RFX3: variants seen among roughly 807,000 people sequenced by gnomAD.
RFX3 encodes regulatory factor X3.
Under a neutral mutation model 98.6 loss-of-function variants are expected in RFX3, and 14 were observed. That is an observed-to-expected ratio of 0.14 (90% CI 0.09 to 0.22). RFX3 has a LOEUF of 0.22. Ranked by LOEUF, RFX3 falls within the 10% of genes least tolerant of loss-of-function variation. RFX3 has a pLI of 1.00. For synonymous variants in RFX3, 383 were observed against 328.4 expected, an observed-to-expected ratio of 1.17 and a Z score of -1.80; for missense variants, 639 against 926.9, an observed-to-expected ratio of 0.69 and a Z score of 4.03.
intron 14 of RFX3, among the ~76,000 whole-genome samples, chr9:3,255,193 A>T (rs1821955295): frequency 6.6e-6 from 1 of 152,242 alleles, no homozygotes; most frequent in Non-Finnish European, 1.5e-5. Flanking sequence ...GTTGAGAAAG[A>T]AAAAAGTCAC....
chr9:3,233,341 G>GTAT, intron 15 of RFX3, among the ~76,000 whole-genome samples: 1 of 152,216 alleles, frequency 6.6e-6, no homozygotes, highest in Non-Finnish European at 1.5e-5. Context: ...CTATACCTGA[G>GTAT]CATACTGAGA....
In RFX3 at chr9:3,321,977, C is replaced by T. The variant is rs554465888; in HGVS notation, c.474+8282G>A. 1.2e-4 allele frequency among the ~76,000 whole-genome samples: 19 copies of T among 152,098 alleles called. No homozygotes were observed. In the South Asian group the frequency reaches 3.9e-3, roughly 32 times the overall value. ...TTGGCCTACTTGGTCTCTAGTCTTTCATTTACTAGTCTATTCATGTGCTTA... is the reference window on the plus strand; with the variant it reads ...TTGGCCTACTTGGTCTCTAGTCTTTTATTTACTAGTCTATTCATGTGCTTA... On this transcript the variant is annotated intron_variant, in intron 4 of 16. Coordinates refer to ENST00000617270, the MANE Select transcript of RFX3 (RefSeq NM_001282116.2).
chr9:3,343,452 G>A (rs777463040), intron 3 of RFX3, among the ~76,000 whole-genome samples: 4 of 152,046 alleles, frequency 2.6e-5, no homozygotes, highest in Admixed American at 6.6e-5. Flanking sequence ...CTTTCCTAAC[G>A]TACATGGAAG....
intron 1 of RFX3, among the ~76,000 whole-genome samples, chr9:3,463,929 T>C (rs1847959556): frequency 6.6e-6 from 1 of 152,118 alleles, no homozygotes; most frequent in Non-Finnish European, 1.5e-5. Flanking sequence ...GCTGTGATCA[T>C]GCCACTGCAC....
At chr9:3,372,020 G>T (rs1464866830) in intron 2 of RFX3, among the ~76,000 whole-genome samples, 1 of 152,096 alleles carries the variant, frequency 6.6e-6, no homozygotes, top group African/African-American at 2.4e-5. Context: ...TAATACCTAA[G>T]TGGTAAATAT....
chr9:3,277,900 A>T (rs1825444378), intron 7 of RFX3, among the ~76,000 whole-genome samples: 1 of 151,982 alleles, frequency 6.6e-6, no homozygotes, highest in African/African-American at 2.4e-5. Context: ...TCTCTAAAAC[A>T]TGATCAGCCT....
intron 1 of RFX3, among the ~76,000 whole-genome samples, chr9:3,425,201 T>C (rs1466071258): frequency 6.6e-6 from 1 of 152,198 alleles, no homozygotes; most frequent in Non-Finnish European, 1.5e-5. Context: ...CACACACCAC[T>C]GCCCGCCAGC....
At chr9:3,440,537 G>A (rs1238540209) in intron 1 of RFX3, among the ~76,000 whole-genome samples, 1 of 152,116 alleles carries the variant, frequency 6.6e-6, no homozygotes, top group African/African-American at 2.4e-5. Flanking sequence ...GACAAAAGAT[G>A]TGCAAGATCT....
intron 3 of RFX3, among the ~76,000 whole-genome samples, chr9:3,345,940 T>C (rs1834399560): frequency 1.3e-5 from 2 of 152,038 alleles, no homozygotes; most frequent in Non-Finnish European, 2.9e-5. Flanking sequence ...TGATGGGAGG[T>C]GGGCAGAAGA....
chr9:3,479,913 G>A (rs905052974), intron 1 of RFX3, among the ~76,000 whole-genome samples: 1 of 152,124 alleles, frequency 6.6e-6, no homozygotes, highest in Non-Finnish European at 1.5e-5. Context: ...CCAAAATCGC[G>A]GGCTTCTGGA....
chr9:3,385,964 T>G (rs1237959310), intron 2 of RFX3, among the ~76,000 whole-genome samples: 1 of 152,152 alleles, frequency 6.6e-6, no homozygotes, highest in East Asian at 1.9e-4. Context: ...AGAAATTGTC[T>G]GGCATTTTTT....
intron 1 of RFX3, among the ~76,000 whole-genome samples, chr9:3,432,720 GGAA>G (rs1174845274): frequency 6.6e-6 from 1 of 152,152 alleles, no homozygotes; most frequent in Non-Finnish European, 1.5e-5. Context: ...CAGATTATGA[GGAA>G]GAAGATGTAG....
intron 1 of RFX3, among the ~76,000 whole-genome samples, chr9:3,504,957 T>TATATAA (rs1816751314): frequency 1.7e-5 from 1 of 58,992 alleles, no homozygotes; most frequent in African/African-American, 9.9e-5. Flanking sequence ...ATAATATATA[T>TATATAA]TATATATAAT....
intron 1 of RFX3, among the ~76,000 whole-genome samples, chr9:3,426,986 T>C (rs1318398854): frequency 1.3e-5 from 2 of 151,936 alleles, no homozygotes; most frequent in African/African-American, 4.8e-5. Flanking sequence ...TATAGAACAC[T>C]AGTAGTTTCC....
At chr9:3,370,064 A>G (rs1267829467) in intron 2 of RFX3, among the ~76,000 whole-genome samples, 1 of 145,430 alleles carries the variant, frequency 6.9e-6, no homozygotes, top group Non-Finnish European at 1.5e-5. Context: ...GATGGTCTCG[A>G]TCTCCTGACC....
intron 3 of RFX3, among the ~76,000 whole-genome samples, chr9:3,336,134 T>C (rs1271190549): frequency 6.6e-6 from 1 of 152,208 alleles, no homozygotes; most frequent in Non-Finnish European, 1.5e-5. Flanking sequence ...AAATAGCATG[T>C]AAATCTCATA....
chr9:3,308,396 C>T (rs550921768), intron 4 of RFX3, among the ~76,000 whole-genome samples: 1 of 152,278 alleles, frequency 6.6e-6, no homozygotes, highest in South Asian at 2.1e-4. Context: ...GGATTCAGCA[C>T]TGCCTTTAGA....
At chr9:3,328,817 T>A (rs960689117) in intron 4 of RFX3, among the ~76,000 whole-genome samples, 3 of 152,184 alleles carry the variant, frequency 2.0e-5, no homozygotes, top group African/African-American at 7.2e-5. Context: ...ATAAAGCTTC[T>A]CATATTACTA....
intron 2 of RFX3, among the ~76,000 whole-genome samples, chr9:3,385,851 C>T (rs1469806660): frequency 6.6e-6 from 1 of 152,054 alleles, no homozygotes; most frequent in African/African-American, 2.4e-5. Context: ...TATATTATTT[C>T]CACCCTAATT....
Sources: allele counts gnomAD v4.1 joint callset (sites outside exome capture counted in the v4.1 genomes callset), GRCh38; gene constraint gnomAD v4.1.1; transcripts MANE v1.5; gene names NCBI Gene and HGNC (gene_info 2026-07-23, HGNC 2026-07-21).